PTPRU: variants seen among roughly 807,000 people sequenced by gnomAD.
PTPRU encodes the protein protein tyrosine phosphatase receptor type U.
A neutral mutation model predicts 166.3 loss-of-function variants in PTPRU; 69 were observed. The ratio of observed to expected loss-of-function variants is 0.41; its 90% CI spans 0.34 to 0.51. The LOEUF is 0.51. Ranked by LOEUF, PTPRU falls within the 20% of genes least tolerant of loss-of-function variation. The pLI, the probability that PTPRU is intolerant of heterozygous loss-of-function variation, is 0.09. For missense variants in PTPRU, 1,657 were observed against 2,013.7 expected (o/e 0.82, Z 3.39); for synonymous variants, 793 against 814.0 (o/e 0.97, Z 0.44).
Position 29,323,431 on chromosome 1 carries a change from T to C in PTPRU, c.3889T>C (p.Phe1297Leu). 1 of 1,610,126 alleles carries C rather than the reference T, an allele frequency of 6.2e-7. No individual in the cohort carries two copies. The highest frequency in any genetic ancestry group is 8.5e-7 in the Non-Finnish European group (1 of 1,178,326). The part of the protein sequence containing the change: ...RQQYGLMEVE[F>L]MSGTADEDLV... Reference sequence around the variant, plus strand: ...GCAATATGGCCTCATGGAGGTGGAGTTTATGTCGGGCACAGCTGATGAAGA... The same window carrying C: ...GCAATATGGCCTCATGGAGGTGGAGCTTATGTCGGGCACAGCTGATGAAGA... The change falls in exon 27 of 30, where the codon TTT becomes CTT. Residue 1297 changes from phenylalanine to leucine, a missense_variant. Physicochemically the swap from Phe to Leu is conservative, Grantham distance 22. Around this residue, in one of 3 missense-constraint regions of PTPRU, gnomAD observed 1,190 missense variants for 1,477.4 expected, o/e 0.81. Coordinates refer to ENST00000373779, the MANE Select transcript of PTPRU (RefSeq NM_133178.4).
intron 26 of PTPRU, among the ~76,000 whole-genome samples, chr1:29,322,424 G>A (rs185584774): frequency 6.6e-6 from 1 of 152,362 alleles, no homozygotes; most frequent in East Asian, 1.9e-4. Flanking sequence ...GGGGGATCAT[G>A]TATCGGCGAT....
chr1:29,259,765 T>G, intron 5 of PTPRU, 105 bp from the exon 6 acceptor site: 3 of 1,344,686 alleles, frequency 2.2e-6, no homozygotes, highest in Non-Finnish European at 3.0e-6. Context: ...CAGGAACCTA[T>G]GTCCGCGCGG....
At chr1:29,266,770 C>T (rs1685324604) in intron 7 of PTPRU, among the ~76,000 whole-genome samples, 1 of 152,122 alleles carries the variant, frequency 6.6e-6, no homozygotes, top group South Asian at 2.1e-4. Context: ...CAAAGGCCAC[C>T]AACATGTGAG....
At position 29,312,841 on chromosome 1, in the gene PTPRU, A is replaced by G. The variant is rs996337184; in HGVS notation, c.3227+135A>G. On this transcript the variant is annotated intron_variant, in intron 22 of 29. Coordinates refer to ENST00000373779, the MANE Select transcript of PTPRU (RefSeq NM_133178.4). ...TGCTTAGAGATGGAGTGCAGGAGGGAACGACCCCCAAAGGCCCTGTCCCCT... is the reference window on the plus strand; with the variant it reads ...TGCTTAGAGATGGAGTGCAGGAGGGGACGACCCCCAAAGGCCCTGTCCCCT... 4 of 1,180,688 alleles carry G rather than the reference A, an allele frequency of 3.4e-6. No individual in the cohort carries two copies. The African/African-American group carries it at 6.2e-5, about 18-fold the overall frequency. 73.1% of individuals were successfully genotyped at this position (1,180,688 alleles called of 1,614,324 possible).
chr1:29,260,127 C>A lies in PTPRU; in HGVS notation c.850+83C>A. ...GACGGGGGCGGGCTCTGCCCGGGGG[C>A]GTGGCCGTGGGGGGTGGGGCCGGCA... On this transcript the variant is annotated intron_variant, in intron 6 of 29. Transcript: ENST00000373779. This position sits in a 1 kb window ranked among gnomAD's most constrained non-coding sequence, Gnocchi z 8.3. The A allele has an allele frequency of 2.4e-6, 1 of 413,182 alleles. No individual in the cohort carries two copies. Among genetic ancestry groups the A allele is most frequent in the Non-Finnish European group, 3.5e-6 (1 of 284,134 alleles). 25.6% of individuals were successfully genotyped at this position (413,182 alleles called of 1,614,324 possible).
chr1:29,289,649 A>G, intron 14 of PTPRU: 1 of 1,613,754 alleles, frequency 6.2e-7, no homozygotes, highest in Non-Finnish European at 8.5e-7. Flanking sequence ...GACCTCGGAC[A>G]CAACTGTGCT....
rs779554853 is a variant in PTPRU at position 29,325,282 on chromosome 1, G to A, written c.4204G>A (p.Ala1402Thr). Residue 1402 changes from alanine (A) to threonine (T), a missense_variant, in exon 29 of 30, where the codon GCC becomes ACC. Ala to Thr is a moderately conservative substitution (Grantham distance 58, BLOSUM62 0). Coordinates refer to ENST00000373779, the MANE Select transcript of PTPRU (RefSeq NM_133178.4). ...CHNLVDVFFA[A>T]KTLRNYKPNM... Reference sequence around the variant, plus strand: ...CAACTTGGTGGACGTTTTCTTTGCTGCCAAAACCCTCCGGAACTACAAACC... The same window carrying A: ...CAACTTGGTGGACGTTTTCTTTGCTACCAAAACCCTCCGGAACTACAAACC... 1 of 1,614,160 alleles carries A rather than the reference G, an allele frequency of 6.2e-7. No individual in the cohort carries two copies. The highest frequency in any genetic ancestry group is 8.5e-7 in the Non-Finnish European group (1 of 1,180,004).
intron 7 of PTPRU, 66 bp from the exon 8 acceptor site, chr1:29,275,382 C>CT (rs1448679964): frequency 6.9e-7 from 1 of 1,454,374 alleles, no homozygotes; most frequent in Non-Finnish European, 9.4e-7. Context: ...CTTTCTCTCC[C>CT]TGTTCTTCTT....
intron 18 of PTPRU, 38 bp from the exon 19 acceptor site, chr1:29,310,706 T>A: frequency 6.2e-7 from 1 of 1,600,030 alleles, no homozygotes; most frequent in Non-Finnish European, 8.6e-7. Flanking sequence ...GAGGGGCTAC[T>A]CCCTGGGGTC....
intron 25 of PTPRU, among the ~76,000 whole-genome samples, chr1:29,319,918 C>T (rs551268911): frequency 5.3e-5 from 8 of 152,178 alleles, no homozygotes; most frequent in South Asian, 4.2e-4. Context: ...GGGAGAAGGC[C>T]GGGTGCCAGC....
At position 29,260,498 on chromosome 1, in the gene PTPRU, T is replaced by G; in HGVS notation, c.851-112T>G. 4.9e-6 allele frequency: 4 copies of G among 813,616 alleles called. No homozygotes were observed. The highest frequency in any genetic ancestry group is 7.2e-6 in the Non-Finnish European group (4 of 559,282). 50.4% of individuals were successfully genotyped at this position (813,616 alleles called of 1,614,324 possible). A position where few individuals can be genotyped will look rare whatever the true frequency, so the allele number is the denominator to read the frequency against. On this transcript the variant is annotated intron_variant, in intron 6 of 29. Transcript: ENST00000373779. This position sits in a 1 kb window ranked among gnomAD's most constrained non-coding sequence, Gnocchi z 8.3. ...TCTGGTTGAGGGCTTGGTAGCAGCGTGAGAGGCCCTAGGAGGACGGAGAGG... is the reference window on the plus strand; with the variant it reads ...TCTGGTTGAGGGCTTGGTAGCAGCGGGAGAGGCCCTAGGAGGACGGAGAGG...
chr1:29,316,735 A>T (rs1264009866), intron 24 of PTPRU, among the ~76,000 whole-genome samples: 5 of 152,058 alleles, frequency 3.3e-5, no homozygotes, highest in Non-Finnish European at 5.9e-5. Flanking sequence ...ACTTAGGAAA[A>T]AGGCGCTTGC....
chr1:29,299,892 C>A (rs1322668190), intron 15 of PTPRU, among the ~76,000 whole-genome samples: 1 of 152,250 alleles, frequency 6.6e-6, no homozygotes, highest in East Asian at 1.9e-4. Context: ...TTTCAAGCTG[C>A]CTTTTAGGTC....
intron 22 of PTPRU, among the ~76,000 whole-genome samples, chr1:29,312,956 A>C (rs1442374031): frequency 6.6e-6 from 1 of 152,116 alleles, no homozygotes; most frequent in East Asian, 1.9e-4. Flanking sequence ...CACTGGAGAT[A>C]GGGAGGGGCC....
At chr1:29,293,471 G>GTTTT (rs201996423) in intron 15 of PTPRU, among the ~76,000 whole-genome samples, 6 of 135,366 alleles carry the variant, frequency 4.4e-5, no homozygotes, top group East Asian at 2.4e-4. Flanking sequence ...TTCGGGGGTA[G>GTTTT]TTTTTTGTTT....
Position 29,315,312 on chromosome 1 carries a change from C to G in PTPRU, c.3228-60C>G. The G allele has an allele frequency of 6.2e-7, 1 of 1,605,474 alleles. No individual in the cohort carries two copies. The highest frequency in any genetic ancestry group is 8.5e-7 in the Non-Finnish European group (1 of 1,174,738). ...GGCCAGTGCCCTCCTCTCTTCTTCT[C>G]CTTAGTCCCGGGCTTCCTCCCCAAA... On this transcript the variant is annotated intron_variant, in intron 22 of 29. Coordinates refer to ENST00000373779, the MANE Select transcript of PTPRU (RefSeq NM_133178.4). This position sits in a 1 kb window ranked among gnomAD's most constrained non-coding sequence, Gnocchi z 4.5.
At chr1:29,288,451 C>T (rs766091380) in intron 14 of PTPRU, among the ~76,000 whole-genome samples, 7 of 152,154 alleles carry the variant, frequency 4.6e-5, no homozygotes, top group Non-Finnish European at 8.8e-5. Flanking sequence ...TCCGGGAAGG[C>T]CCTTTTGAAG....
In PTPRU at chr1:29,282,772, G is replaced by C; in HGVS notation, c.1965G>C (p.Ala655=). ...DCFPVPLTFE[A]ALARGLVHYF... ...TCCCAGTGCCATTGACCTTCGAGGC[G>C]GCGCTGGCCCGAGGCCTGGTGCACT... is the stretch of plus-strand genomic sequence containing the variant. Residue 655 remains alanine (A), a synonymous_variant, in exon 12 of 30, where the codon GCG becomes GCC. Coordinates refer to ENST00000373779, the MANE Select transcript of PTPRU (RefSeq NM_133178.4). 6.2e-7 allele frequency: 1 copy of C among 1,614,086 alleles called. No homozygotes were observed. The highest frequency in any genetic ancestry group is 1.1e-5 in the South Asian group (1 of 91,088).
At position 29,323,626 on chromosome 1, in the gene PTPRU, C is replaced by T. The variant is rs765947493; in HGVS notation, c.3955-5C>T. 2.5e-6 allele frequency: 4 copies of T among 1,613,732 alleles called. 1 individual carries two copies. The African/African-American group carries it at 5.3e-5, about 22-fold the overall frequency. On this transcript the variant is annotated splice_polypyrimidine_tract_variant and splice_region_variant and intron_variant, in intron 27 of 29. Transcript: ENST00000373779. ...TCCTCCCTGGCTGGCTGCCCCTGTCCCCAGTTGCAGGAGGGGCACCTGCTG... is the reference window on the plus strand; with the variant it reads ...TCCTCCCTGGCTGGCTGCCCCTGTCTCCAGTTGCAGGAGGGGCACCTGCTG...
Sources: gnomAD v4.1 joint callset for allele counts (sites outside exome capture counted in the v4.1 genomes callset) on GRCh38, gnomAD v4.1.1 for gene constraint, gnomAD v4.1.1 regional missense constraint, Gnocchi (gnomAD v3.1) non-coding constraint, MANE v1.5 for transcripts, NCBI Gene and HGNC (gene_info 2026-07-23, HGNC 2026-07-21) for gene names.